Variants in EYS observed in about 807,000 individuals in gnomAD.
EYS encodes the protein protein eyes shut homolog.
EYS carries 250 observed loss-of-function variants against 282.1 expected under a neutral mutation model. The ratio of observed to expected loss-of-function variants is 0.89; its 90% CI spans 0.80 to 0.98. EYS has a LOEUF of 0.98. Among genes scored for constraint, EYS ranks in the 50% least tolerant of loss-of-function variants. The probability of loss-of-function intolerance (pLI) is 0.00; values close to 1 mark genes in which losing one functional copy is unlikely to be tolerated. For synonymous variants in EYS, 1,355 were observed against 1,282.9 expected, an observed-to-expected ratio of 1.06 and a Z score of -1.20; for missense variants, 4,016 against 3,709.0, an observed-to-expected ratio of 1.08 and a Z score of -2.15.
At chr6:64,109,591 G>A (rs1773140934) in intron 31 of EYS, among the ~76,000 whole-genome samples, 1 of 152,120 alleles carries the variant, frequency 6.6e-6, no homozygotes, top group South Asian at 2.1e-4. Flanking sequence ...AAGGGATTAT[G>A]ACTATAACCA....
chr6:65,381,506 T>C (rs556573096), intron 8 of EYS, among the ~76,000 whole-genome samples: 1 of 151,414 alleles, frequency 6.6e-6, no homozygotes, highest in Non-Finnish European at 1.5e-5. Context: ...TTAGGACAAA[T>C]ACCTAATGCA....
chr6:65,647,097 A>T (rs1021458658), intron 1 of EYS, among the ~76,000 whole-genome samples: 1 of 152,156 alleles, frequency 6.6e-6, no homozygotes, highest in Non-Finnish European at 1.5e-5. Context: ...GCCAAAAGCA[A>T]CCTACAAATT....
chr6:64,179,708 C>A (rs944982157), intron 31 of EYS, among the ~76,000 whole-genome samples: 10 of 151,900 alleles, frequency 6.6e-5, no homozygotes, highest in African/African-American at 2.4e-4. Flanking sequence ...ATTAGTGACC[C>A]ATTTCTTATT....
At chr6:64,945,612 G>A (rs1769261200) in intron 15 of EYS, among the ~76,000 whole-genome samples, 181 bp downstream of exon 15, 1 of 152,048 alleles carries the variant, frequency 6.6e-6, no homozygotes, top group Admixed American at 6.6e-5. Context: ...GTTGACATCT[G>A]CCCTTCAGTG....
chr6:65,070,855 C>T (rs1773883639), intron 12 of EYS, among the ~76,000 whole-genome samples: 1 of 151,758 alleles, frequency 6.6e-6, no homozygotes. Flanking sequence ...ATACTCTATG[C>T]CCGGCACTAT....
chr6:65,634,725 C>T (rs560719862), intron 2 of EYS, among the ~76,000 whole-genome samples: 1 of 152,318 alleles, frequency 6.6e-6, no homozygotes, highest in South Asian at 2.1e-4. Context: ...TCTCTGTCAT[C>T]TACATTCCAT....
chr6:65,500,785 A>T (rs1032201782), intron 2 of EYS, among the ~76,000 whole-genome samples: 5 of 151,900 alleles, frequency 3.3e-5, no homozygotes, highest in African/African-American at 1.2e-4. Flanking sequence ...TATAATCCTA[A>T]AGTAAATAAA....
intron 41 of EYS, among the ~76,000 whole-genome samples, chr6:63,734,058 G>C (rs1274692952): frequency 6.6e-6 from 1 of 152,094 alleles, no homozygotes; most frequent in African/African-American, 2.4e-5. Flanking sequence ...CTCATAAGTG[G>C]GAGCTAAACA....
chr6:65,016,713 G>A (rs1274105091), intron 13 of EYS, among the ~76,000 whole-genome samples: 1 of 152,072 alleles, frequency 6.6e-6, no homozygotes, highest in Non-Finnish European at 1.5e-5. Flanking sequence ...TATAAATTCT[G>A]TTTCTGCAGT....
intron 12 of EYS, among the ~76,000 whole-genome samples, chr6:65,201,446 CTTCTT>C (rs950646378): frequency 6.6e-6 from 1 of 152,048 alleles, no homozygotes; most frequent in Non-Finnish European, 1.5e-5. Context: ...TTTTAATACT[CTTCTT>C]TATGTGCTCT....
chr6:65,108,828 G>A (rs1775121001), intron 12 of EYS, among the ~76,000 whole-genome samples: 1 of 151,830 alleles, frequency 6.6e-6, no homozygotes, highest in South Asian at 2.1e-4. Flanking sequence ...TATATATGTT[G>A]GACATTTGAA....
intron 33 of EYS, among the ~76,000 whole-genome samples, chr6:64,034,900 T>C (rs1770037551): frequency 6.6e-6 from 1 of 152,228 alleles, no homozygotes; most frequent in South Asian, 2.1e-4. Flanking sequence ...ATTTTTAATA[T>C]CTTACCAAAG....
intron 28 of EYS, among the ~76,000 whole-genome samples, chr6:64,421,745 C>T (rs4710272): frequency 0.37 from 56,053 of 151,842 alleles, 11,087 homozygotes; most frequent in African/African-American, 0.52. Context: ...TAAAAATAAT[C>T]ACCAATCTTT....
chr6:65,415,965 C>T (rs1054092684), intron 5 of EYS, among the ~76,000 whole-genome samples: 2 of 151,874 alleles, frequency 1.3e-5, no homozygotes, highest in Non-Finnish European at 2.9e-5. Context: ...ATAAATTTAA[C>T]AGGTTTGTAA....
intron 2 of EYS, among the ~76,000 whole-genome samples, chr6:65,532,239 A>C (rs1351545658): frequency 6.6e-6 from 1 of 152,124 alleles, no homozygotes; most frequent in Non-Finnish European, 1.5e-5. Context: ...TAAGATTATA[A>C]CCAGTATTAT....
intron 28 of EYS, among the ~76,000 whole-genome samples, chr6:64,406,492 CAGCAAA>C (rs1434383630): frequency 6.6e-6 from 1 of 152,054 alleles, no homozygotes; most frequent in African/African-American, 2.4e-5. Flanking sequence ...AGCTTCTGCA[CAGCAAA>C]AGAAACTATC....
intron 19 of EYS, among the ~76,000 whole-genome samples, chr6:64,838,250 A>G (rs1316365176): frequency 6.6e-6 from 1 of 151,896 alleles, no homozygotes; most frequent in Non-Finnish European, 1.5e-5. Context: ...CTTTCTTTTT[A>G]AAATAACATT....
intron 35 of EYS, among the ~76,000 whole-genome samples, chr6:63,966,366 A>G (rs1212624311): frequency 1.3e-5 from 2 of 152,166 alleles, no homozygotes; most frequent in Non-Finnish European, 2.9e-5. Context: ...ACTTGGGAAG[A>G]GTGGGAGGGG....
chr6:65,005,096 G>T (rs1374277634), intron 13 of EYS, among the ~76,000 whole-genome samples: 1 of 147,586 alleles, frequency 6.8e-6, no homozygotes, highest in Non-Finnish European at 1.5e-5. Context: ...GGCTTGAGCT[G>T]AGCTTTCGCT....
Sources: gnomAD v4.1 joint callset for allele counts (sites outside exome capture counted in the v4.1 genomes callset) on GRCh38, gnomAD v4.1.1 for gene constraint, MANE v1.5 for transcripts, NCBI Gene and HGNC (gene_info 2026-07-23, HGNC 2026-07-21) for gene names.